MCM9: variants seen among roughly 807,000 people sequenced by gnomAD.
MCM9 encodes minichromosome maintenance 9 homologous recombination repair factor, also known as DNA helicase MCM9.
In MCM9, 55 loss-of-function variants were observed where a neutral mutation model predicts 72.8. That is an observed-to-expected ratio of 0.76 (90% CI 0.61 to 0.95). The LOEUF is 0.95. MCM9 is among the 40% of genes least tolerant of loss of function. The pLI, the probability that MCM9 is intolerant of heterozygous loss-of-function variation, is 0.00. For synonymous variants in MCM9, 480 were observed against 503.4 expected (o/e 0.95, Z 0.62); for missense variants, 1,279 against 1,377.0 (o/e 0.93, Z 1.13).
At chr6:118,905,277 A>G (rs1342928895) in intron 8 of MCM9, among the ~76,000 whole-genome samples, 1 of 152,226 alleles carries the variant, frequency 6.6e-6, no homozygotes, top group Non-Finnish European at 1.5e-5. Flanking sequence ...GAGATCATTT[A>G]ATACTTACTA....
intron 8 of MCM9, chr6:118,905,532 T>C (rs1316797371): frequency 1.7e-5 from 12 of 687,824 alleles, no homozygotes; most frequent in Non-Finnish European, 2.8e-5. Flanking sequence ...CCCAGTATGA[T>C]TTCCAAGTTT....
chr6:118,907,610 T>C (rs1780264863), intron 8 of MCM9: 2 of 1,611,604 alleles, frequency 1.2e-6, no homozygotes, highest in East Asian at 2.2e-5. Flanking sequence ...ATGGACTGCA[T>C]GTGACCACCT....
chr6:118,922,327 G>C (rs1264913251), intron 4 of MCM9, among the ~76,000 whole-genome samples: 1 of 152,088 alleles, frequency 6.6e-6, no homozygotes, highest in Non-Finnish European at 1.5e-5. Flanking sequence ...CCTTGCGGGT[G>C]GTCAAAGTAA....
Position 118,917,751 on chromosome 6 carries a change from GA to G in MCM9, c.713del (p.Leu238ProfsTer7). 6.2e-7 allele frequency: 1 copy of G among 1,614,080 alleles called. No homozygotes were observed. The highest frequency in any genetic ancestry group is 8.5e-7 in the Non-Finnish European group (1 of 1,179,966). ...GTTGCATTACAATCCCGTAAATAGT[GA>G]GGTCATCACCTAGGAAAAAGCATCA... ...LVDSCKSGDD[L>X]TIYGIVMQRW... On this transcript the variant is annotated frameshift_variant, in exon 6 of 14. Transcript: ENST00000619706. LOFTEE classifies it high-confidence loss of function.
At chr6:118,826,543 A>T (rs184947485) in intron 12 of MCM9, among the ~76,000 whole-genome samples, 6 of 152,240 alleles carry the variant, frequency 3.9e-5, no homozygotes, top group Non-Finnish European at 4.4e-5. Context: ...TGAGGAAAAA[A>T]ACGATCGAAG....
At chr6:118,863,149 C>G (rs1777004701) in intron 8 of MCM9, among the ~76,000 whole-genome samples, 1 of 151,968 alleles carries the variant, frequency 6.6e-6, no homozygotes, top group South Asian at 2.1e-4. Flanking sequence ...TTAATAGAAA[C>G]AACGTATTTA....
chr6:118,833,213 T>C (rs1774711619), intron 9 of MCM9, among the ~76,000 whole-genome samples: 1 of 152,138 alleles, frequency 6.6e-6, no homozygotes, highest in African/African-American at 2.4e-5. Flanking sequence ...CGGCAAAGCA[T>C]TGCAGGCACG....
intron 8 of MCM9, among the ~76,000 whole-genome samples, chr6:118,891,561 C>T (rs933425107): frequency 6.6e-6 from 1 of 152,066 alleles, no homozygotes; most frequent in South Asian, 2.1e-4. Flanking sequence ...CCTCTGTGTG[C>T]GTGTGACCCT....
Position 118,851,301 on chromosome 6 carries a change from A to G in MCM9, c.1325+5070T>C, listed in dbSNP as rs1352595054. Reference sequence around the variant, plus strand: ...CTGTTCAGTAAGATCAGAGGAGACCATAAGAACCCAAGCTCTGTTACTATA... The same window carrying G: ...CTGTTCAGTAAGATCAGAGGAGACCGTAAGAACCCAAGCTCTGTTACTATA... On this transcript the variant is annotated intron_variant, in intron 9 of 13. Transcript: ENST00000619706. 2.0e-5 allele frequency among the ~76,000 whole-genome samples: 3 copies of G among 151,878 alleles called. 1 individual carries two copies. The highest frequency in any genetic ancestry group is 4.9e-5 in the African/African-American group (2 of 41,128).
intron 9 of MCM9, among the ~76,000 whole-genome samples, chr6:118,852,520 CTAT>C (rs996554198): frequency 2.6e-5 from 4 of 152,238 alleles, no homozygotes; most frequent in African/African-American, 9.6e-5. Context: ...TCCCCAGGCA[CTAT>C]TATTACTTTA....
chr6:118,930,085 ATATT>A lies in MCM9; in HGVS notation c.304+1331_304+1334del, dbSNP rs554931394. On this transcript the variant is annotated intron_variant, in intron 3 of 13. Transcript: ENST00000619706. ...TCTTCTCAAATGTACTATAAGGTAA[ATATT>A]TATTTATTTATTTATTTATTTTATT... Among the ~76,000 whole-genome samples, 604 of 148,800 alleles carry A rather than the reference ATATT, an allele frequency of 4.1e-3. 6 individuals carry two copies. Among genetic ancestry groups the A allele is most frequent in the African/African-American group, 0.014 (558 of 40,970 alleles).
chr6:118,842,922 A>G (rs551271799), intron 9 of MCM9, among the ~76,000 whole-genome samples: 10 of 152,212 alleles, frequency 6.6e-5, no homozygotes, highest in Admixed American at 2.6e-4. Context: ...TTAAATTCCC[A>G]AACTTTAAAA....
chr6:118,813,460 A>G lies in MCM9; in HGVS notation c.*1364T>C, dbSNP rs1773236364. ...CACTAAATTTGTACTCACAGTTTAA[A>G]TTTTTTCAGAAAATTTTATTAGTGA... is the stretch of plus-strand genomic sequence containing the variant. On this transcript the variant is annotated 3_prime_UTR_variant, in exon 14 of 14. Coordinates refer to ENST00000619706, the MANE Select transcript of MCM9 (RefSeq NM_017696.3). 1 of 152,184 alleles carries G rather than the reference A, an allele frequency of 6.6e-6. No homozygotes were observed. The highest frequency in any genetic ancestry group is 2.1e-4 in the South Asian group (1 of 4,834). 9.4% of individuals were successfully genotyped at this position (152,184 alleles called of 1,614,324 possible).
rs190388667 is a variant in MCM9 at position 118,913,287 on chromosome 6, G to A, written c.1030+8C>T. 6.2e-7 allele frequency: 1 copy of A among 1,613,576 alleles called. No individual in the cohort carries two copies. Among genetic ancestry groups the A allele is most frequent in the East Asian group, 2.2e-5 (1 of 44,858 alleles). On this transcript the variant is annotated splice_region_variant and intron_variant, in intron 7 of 13. Transcript: ENST00000619706. ...AATATTACTCAAAATTTCTAAATAG[G>A]TACTAACCTCTGACCCGTGTTCCTG...
chr6:118,837,904 G>T (rs1775075795), intron 9 of MCM9, among the ~76,000 whole-genome samples: 2 of 152,242 alleles, frequency 1.3e-5, no homozygotes, highest in South Asian at 4.1e-4. Flanking sequence ...CTGTTATTAT[G>T]ATGCTAGCTG....
Position 118,816,101 on chromosome 6 carries a change from G to A in MCM9, c.2155C>T (p.His719Tyr), listed in dbSNP as rs1415795852. The A allele has an allele frequency of 6.5e-7, 1 of 1,550,320 alleles. No individual in the cohort carries two copies. The highest frequency in any genetic ancestry group is 2.4e-5 in the East Asian group (1 of 40,916). Residue 719 changes from histidine to tyrosine, a missense_variant, in exon 14 of 14, where the codon CAT becomes TAT. Coordinates refer to ENST00000619706, the MANE Select transcript of MCM9 (RefSeq NM_017696.3). The part of the protein sequence containing the change: ...EGSPVLDPPP[H>Y]LEPNRSTSRK... ...CTTGTTGATCTATTAGGCTCCAGATGCGGTGGGGGATCTAGAACTGGGCTT... is the reference window on the plus strand; with the variant it reads ...CTTGTTGATCTATTAGGCTCCAGATACGGTGGGGGATCTAGAACTGGGCTT...
chr6:118,899,878 C>T (rs1260084697), intron 8 of MCM9, among the ~76,000 whole-genome samples: 10 of 152,158 alleles, frequency 6.6e-5, no homozygotes, highest in African/African-American at 2.4e-4. Context: ...GTGCAAAATA[C>T]CCAAAGAAGA....
At chr6:118,917,478 A>G (rs1781057252) in intron 6 of MCM9, 83 bp downstream of exon 6, 1 of 1,328,724 alleles carries the variant, frequency 7.5e-7, no homozygotes, top group Admixed American at 1.7e-5. Flanking sequence ...GCGGCATATA[A>G]GACTGTCAAA....
intron 8 of MCM9, among the ~76,000 whole-genome samples, chr6:118,865,515 G>A (rs1232024499): frequency 6.6e-6 from 1 of 152,176 alleles, no homozygotes; most frequent in South Asian, 2.1e-4. Flanking sequence ...CCAAAAAGGG[G>A]TGAAAACATG....
Sources: gnomAD v4.1 joint callset for allele counts (sites outside exome capture counted in the v4.1 genomes callset) on GRCh38, gnomAD v4.1.1 for gene constraint, MANE v1.5 for transcripts, NCBI Gene and HGNC (gene_info 2026-07-23, HGNC 2026-07-21) for gene names.